SCARA5: variants seen among roughly 807,000 people sequenced by gnomAD.
SCARA5 encodes scavenger receptor class A member 5, also known as scavenger receptor class A, member 5 (putative).
In SCARA5, 45 loss-of-function variants were observed where a neutral mutation model predicts 46.3. The ratio of observed to expected loss-of-function variants is 0.97; its 90% CI spans 0.76 to 1.24. SCARA5 has a LOEUF of 1.24. SCARA5 is among the 50% of genes most tolerant of loss of function. The pLI, the probability that SCARA5 is intolerant of heterozygous loss-of-function variation, is 0.00. For missense variants in SCARA5, 680 were observed against 689.0 expected, an observed-to-expected ratio of 0.99 and a Z score of 0.15; for synonymous variants, 333 against 306.5, an observed-to-expected ratio of 1.09 and a Z score of -0.90.
At chr8:27,948,816 C>A (rs1437496135) in intron 3 of SCARA5, among the ~76,000 whole-genome samples, 1 of 152,208 alleles carries the variant, frequency 6.6e-6, no homozygotes, top group African/African-American at 2.4e-5. Flanking sequence ...TCCATAAGCC[C>A]CAGCCTTATC....
intron 2 of SCARA5, among the ~76,000 whole-genome samples, chr8:27,984,743 C>A (rs1808677943): frequency 6.6e-6 from 1 of 151,820 alleles, no homozygotes; most frequent in Non-Finnish European, 1.5e-5. Context: ...CATTATTCAT[C>A]CATTTATTCA....
intron 1 of SCARA5, 41 bp from the exon 2 acceptor site, chr8:27,987,671 C>T (rs796499540): frequency 7.6e-6 from 9 of 1,190,900 alleles, no homozygotes; most frequent in South Asian, 7.3e-5. Flanking sequence ...AGGACGAAGG[C>T]CGGGAGAGAG....
intron 3 of SCARA5, among the ~76,000 whole-genome samples, chr8:27,942,431 A>C (rs186899816): frequency 6.6e-6 from 1 of 152,166 alleles, no homozygotes; most frequent in South Asian, 2.1e-4. Flanking sequence ...CAAGCCTGCC[A>C]GCTCTCTCAC....
At chr8:27,963,832 T>A (rs2129932019) in intron 3 of SCARA5, among the ~76,000 whole-genome samples, 1 of 152,260 alleles carries the variant, frequency 6.6e-6, no homozygotes, top group East Asian at 1.9e-4. Context: ...TAATCCCATA[T>A]TCAGATATGG....
rs537067492 is a variant in SCARA5, at chr8:27,951,997, T to C, written c.241+14417A>G. ...AAACTCATGTCCACCCAGAACCTAT[T>C]TGGAAATAAACTCTTGGTAGGTGTA... On this transcript the variant is annotated intron_variant, in intron 3 of 8. Transcript: ENST00000354914. Among the ~76,000 whole-genome samples, 5 of 152,070 alleles carry C rather than the reference T, an allele frequency of 3.3e-5. No homozygotes were observed. The East Asian group carries it at 9.7e-4, about 29-fold the overall frequency.
At chr8:27,896,820 G>A (rs1213178319) in intron 7 of SCARA5, among the ~76,000 whole-genome samples, 7 of 152,194 alleles carry the variant, frequency 4.6e-5, no homozygotes, top group Admixed American at 6.5e-5. Context: ...GAGGCTGGGC[G>A]CAGTGGCTCA....
intron 4 of SCARA5, among the ~76,000 whole-genome samples, chr8:27,916,417 G>A (rs199851516): frequency 6.0e-5 from 2 of 33,122 alleles, no homozygotes; most frequent in East Asian, 1.3e-3. Context: ...ATGTGCAAAC[G>A]TGTACACATG....
Position 27,987,491 on chromosome 8 carries a change from C to T in SCARA5, c.112+13G>A. The stretch of plus-strand genomic sequence containing the variant: ...CAGATCTTGTGCCCCAAGTCTGAGC[C>T]AGCTGCACTCACCATCCTCACACAG... On this transcript the variant is annotated intron_variant, in intron 2 of 8. Coordinates refer to ENST00000354914, the MANE Select transcript of SCARA5 (RefSeq NM_173833.6). 1 of 1,589,512 alleles carries T rather than the reference C, an allele frequency of 6.3e-7. No homozygotes were observed. The highest frequency in any genetic ancestry group is 8.6e-7 in the Non-Finnish European group (1 of 1,157,836).
At chr8:27,949,071 T>A (rs542378942) in intron 3 of SCARA5, among the ~76,000 whole-genome samples, 1 of 152,372 alleles carries the variant, frequency 6.6e-6, no homozygotes, top group South Asian at 2.1e-4. Flanking sequence ...TGCCTCAGTT[T>A]CCCTATCTAC....
At chr8:27,889,110 C>T (rs1806941838) in intron 7 of SCARA5, among the ~76,000 whole-genome samples, 1 of 152,136 alleles carries the variant, frequency 6.6e-6, no homozygotes, top group East Asian at 1.9e-4. Flanking sequence ...CCTCCTTCTA[C>T]AGGCCCCAAA....
chr8:27,923,532 T>C (rs1807633313), intron 3 of SCARA5, among the ~76,000 whole-genome samples: 1 of 152,186 alleles, frequency 6.6e-6, no homozygotes, highest in Non-Finnish European at 1.5e-5. Flanking sequence ...CTGCATCTTC[T>C]ACTTCTTTGT....
intron 3 of SCARA5, among the ~76,000 whole-genome samples, chr8:27,941,790 T>C (rs936134370): frequency 1.4e-5 from 2 of 140,764 alleles, no homozygotes; most frequent in Non-Finnish European, 3.0e-5. Context: ...TTAATCCCCA[T>C]TTACATCATC....
At chr8:27,989,129 C>CTTTTTTTTTT (rs34929623) in intron 1 of SCARA5, among the ~76,000 whole-genome samples, 42 of 68,316 alleles carry the variant, frequency 6.1e-4, no homozygotes, top group African/African-American at 1.5e-3. Flanking sequence ...TTCTTTCTTT[C>CTTTTTTTTTT]TTTTTTTTTT....
chr8:27,958,551 G>A (rs778117380), intron 3 of SCARA5, among the ~76,000 whole-genome samples: 14 of 152,236 alleles, frequency 9.2e-5, no homozygotes, highest in Non-Finnish European at 1.8e-4. Flanking sequence ...AACTGCACGC[G>A]TGGCAGCAGG....
At chr8:27,883,768 G>A (rs953606217) in intron 7 of SCARA5, among the ~76,000 whole-genome samples, 4 of 152,146 alleles carry the variant, frequency 2.6e-5, no homozygotes, top group Non-Finnish European at 4.4e-5. Context: ...CATTGTACTG[G>A]AACCCAGTGA....
intron 3 of SCARA5, among the ~76,000 whole-genome samples, chr8:27,937,925 C>T (rs1036511886): frequency 1.3e-5 from 2 of 152,206 alleles, no homozygotes; most frequent in Admixed American, 6.5e-5. Context: ...GTTCCTATCT[C>T]CAAATACAGT....
chr8:27,882,048 C>G (rs1806820920), intron 7 of SCARA5, among the ~76,000 whole-genome samples: 1 of 152,220 alleles, frequency 6.6e-6, no homozygotes, highest in Non-Finnish European at 1.5e-5. Flanking sequence ...ATCTCTCCCT[C>G]CTCCCTACCC....
intron 3 of SCARA5, among the ~76,000 whole-genome samples, chr8:27,961,239 G>A (rs1808289501): frequency 6.6e-6 from 1 of 152,158 alleles, no homozygotes; most frequent in South Asian, 2.1e-4. Context: ...GGACCATGGG[G>A]GTGGATACCC....
chr8:27,991,929 G>C (rs571048335), intron 1 of SCARA5, among the ~76,000 whole-genome samples: 1 of 152,134 alleles, frequency 6.6e-6, no homozygotes, highest in African/African-American at 2.4e-5. Flanking sequence ...CCATGGAGAG[G>C]AGCTGTCACC....
Sources: allele counts gnomAD v4.1 joint callset (sites outside exome capture counted in the v4.1 genomes callset), GRCh38; gene constraint gnomAD v4.1.1; transcripts MANE v1.5; gene names NCBI Gene and HGNC (gene_info 2026-07-23, HGNC 2026-07-21).